Variants in SUGCT observed in about 807,000 individuals in gnomAD.
SUGCT encodes the protein succinyl-CoA:glutarate CoA-transferase.
SUGCT carries 41 observed loss-of-function variants against 55.0 expected under a neutral mutation model. That is an observed-to-expected ratio of 0.74 (90% CI 0.58 to 0.97). The LOEUF (loss-of-function observed/expected upper bound fraction) is 0.97. Ranked by LOEUF, SUGCT falls within the 50% of genes least tolerant of loss-of-function variation. The pLI, the probability that SUGCT is intolerant of heterozygous loss-of-function variation, is 0.00. For missense variants in SUGCT, 568 were observed against 547.8 expected, an observed-to-expected ratio of 1.04 and a Z score of -0.37; for synonymous variants, 187 against 200.4, an observed-to-expected ratio of 0.93 and a Z score of 0.56.
chr7:40,518,364 G>A (rs1793357083), intron 12 of SUGCT, among the ~76,000 whole-genome samples: 1 of 152,070 alleles, frequency 6.6e-6, no homozygotes, highest in South Asian at 2.1e-4. Flanking sequence ...TAACAGTTAT[G>A]AGACTATTTT....
intron 12 of SUGCT, among the ~76,000 whole-genome samples, chr7:40,720,071 G>C (rs11760481): frequency 0.1 from 15,442 of 152,054 alleles, 869 homozygotes; most frequent in African/African-American, 0.16. Flanking sequence ...CAGGCGTGAG[G>C]CAGCACACCA....
chr7:40,741,316 A>G (rs1468621114), intron 12 of SUGCT, among the ~76,000 whole-genome samples: 2 of 152,144 alleles, frequency 1.3e-5, no homozygotes, highest in African/African-American at 4.8e-5. Flanking sequence ...AAGCCAGTAG[A>G]AAAGCTTCTT....
intron 13 of SUGCT, among the ~76,000 whole-genome samples, chr7:40,786,993 A>G (rs897165381): frequency 6.6e-6 from 1 of 152,162 alleles, no homozygotes; most frequent in Non-Finnish European, 1.5e-5. Flanking sequence ...TGTTTGATTC[A>G]TTTTTTATTA....
chr7:40,497,608 A>C (rs1158957900), intron 12 of SUGCT, among the ~76,000 whole-genome samples: 1 of 152,214 alleles, frequency 6.6e-6, no homozygotes, highest in African/African-American at 2.4e-5. Flanking sequence ...ACAAGGAGGT[A>C]GCATTGTGCA....
At chr7:40,352,327 A>T in intron 9 of SUGCT, among the ~76,000 whole-genome samples, 1 of 151,780 alleles carries the variant, frequency 6.6e-6, no homozygotes. Context: ...ATTTTTTTTA[A>T]TGTTTTATTT....
intron 11 of SUGCT, among the ~76,000 whole-genome samples, chr7:40,483,305 T>C (rs1390655911): frequency 6.6e-6 from 1 of 152,190 alleles, no homozygotes; most frequent in South Asian, 2.1e-4. Flanking sequence ...TACCAAGTTT[T>C]TGTTCCTAAA....
chr7:40,172,554 A>G (rs577017107), intron 1 of SUGCT, among the ~76,000 whole-genome samples: 1 of 152,282 alleles, frequency 6.6e-6, no homozygotes, highest in African/African-American at 2.4e-5. Flanking sequence ...TTCAGAGGTA[A>G]GGAGAATTTT....
intron 9 of SUGCT, among the ~76,000 whole-genome samples, chr7:40,442,879 C>T (rs1009911415): frequency 6.6e-6 from 1 of 152,148 alleles, no homozygotes; most frequent in South Asian, 2.1e-4. Context: ...CCCTTCCCCC[C>T]ACACCATGAC....
chr7:40,949,029 C>T, the SUGCT span, among the ~76,000 whole-genome samples: 1 of 152,188 alleles, frequency 6.6e-6, no homozygotes. Flanking sequence ...GGAAATGCCA[C>T]ACTGTCTTCC....
At chr7:40,983,101 T>G in the SUGCT span, among the ~76,000 whole-genome samples, 49 of 152,244 alleles carry the variant, frequency 3.2e-4, no homozygotes, top group Non-Finnish European at 6.2e-4. Context: ...GCTTTAGTAA[T>G]GCACAAGTCG....
At chr7:40,905,146 A>T in the SUGCT span, among the ~76,000 whole-genome samples, 1 of 152,214 alleles carries the variant, frequency 6.6e-6, no homozygotes, top group Non-Finnish European at 1.5e-5. Context: ...ACATATCTCC[A>T]ACAAATAAAT....
chr7:40,377,230 C>A (rs1281286152), intron 9 of SUGCT, among the ~76,000 whole-genome samples: 1 of 11,432 alleles, frequency 8.7e-5, no homozygotes, highest in African/African-American at 1.7e-4. Context: ...TTCTTTCTTT[C>A]TTCCCTTCCT....
intron 12 of SUGCT, among the ~76,000 whole-genome samples, chr7:40,553,300 A>G (rs1039177677): frequency 3.3e-5 from 5 of 152,188 alleles, no homozygotes; most frequent in Non-Finnish European, 5.9e-5. Context: ...TTATTCTTTC[A>G]GAAAATAACA....
chr7:40,337,472 T>C (rs1796780331), intron 9 of SUGCT, among the ~76,000 whole-genome samples: 1 of 152,240 alleles, frequency 6.6e-6, no homozygotes, highest in South Asian at 2.1e-4. Context: ...TTAGCTCTTC[T>C]TGTTGAATTG....
At chr7:40,173,308 A>G (rs534658460) in intron 1 of SUGCT, among the ~76,000 whole-genome samples, 1 of 152,360 alleles carries the variant, frequency 6.6e-6, no homozygotes, top group East Asian at 1.9e-4. Flanking sequence ...CTGGATCAGA[A>G]ACACAGCGGA....
chr7:40,156,045 C>T (rs1423321180), intron 1 of SUGCT, among the ~76,000 whole-genome samples: 5 of 151,806 alleles, frequency 3.3e-5, no homozygotes, highest in East Asian at 2.0e-4. Context: ...TTAGTAGGGA[C>T]GGGGTTTCAC....
the SUGCT span, among the ~76,000 whole-genome samples, chr7:41,010,978 A>C: frequency 6.6e-6 from 1 of 152,184 alleles, no homozygotes; most frequent in Non-Finnish European, 1.5e-5. Flanking sequence ...AAACAAACAA[A>C]CAAACAAAAA....
At chr7:40,895,350 T>A in the SUGCT span, among the ~76,000 whole-genome samples, 160 of 152,066 alleles carry the variant, frequency 1.1e-3, no homozygotes, top group Non-Finnish European at 1.7e-3. Context: ...CAGAAAAAAA[T>A]ACCTATTGGG....
chr7:40,436,503 A>G (rs1349963172), intron 9 of SUGCT, among the ~76,000 whole-genome samples: 1 of 152,162 alleles, frequency 6.6e-6, no homozygotes, highest in African/African-American at 2.4e-5. Context: ...TATTGTAACT[A>G]TAGTTACTAT....
Sources: allele counts gnomAD v4.1 joint callset (sites outside exome capture counted in the v4.1 genomes callset), GRCh38; gene constraint gnomAD v4.1.1; transcripts MANE v1.5; gene names NCBI Gene and HGNC (gene_info 2026-07-23, HGNC 2026-07-21).